LRRC49: variants seen among roughly 807,000 people sequenced by gnomAD.
LRRC49 encodes leucine rich repeat containing 49.
LRRC49 carries 50 observed loss-of-function variants against 83.3 expected under a neutral mutation model. The ratio of observed to expected loss-of-function variants is 0.60; its 90% CI spans 0.48 to 0.76. The LOEUF is 0.76. Among genes scored for constraint, LRRC49 ranks in the 30% least tolerant of loss-of-function variants. LRRC49 has a pLI of 0.00. For synonymous variants in LRRC49, 286 were observed against 283.3 expected (o/e 1.01, Z -0.10); for missense variants, 704 against 809.1 (o/e 0.87, Z 1.58).
intron 5 of LRRC49, among the ~76,000 whole-genome samples, chr15:70,904,981 C>G (rs555744117): frequency 1.8e-4 from 28 of 152,276 alleles, no homozygotes; most frequent in African/African-American, 6.7e-4. Context: ...ACTTCCATTG[C>G]TTTCCAGTGT....
At chr15:70,889,097 C>T (rs1353349006), upstream of LRRC49, among the ~76,000 whole-genome samples, 1 of 152,118 alleles carries the variant, frequency 6.6e-6, no homozygotes, top group East Asian at 1.9e-4. Flanking sequence ...TATATATCCT[C>T]AGAAATGTGT....
At chr15:70,854,180 G>A (rs1050071547) in intron 1 of LRRC49, 4 of 975,502 alleles carry the variant, frequency 4.1e-6, no homozygotes, top group African/African-American at 3.5e-5. Flanking sequence ...CGGGGGCGGT[G>A]CGAGCGCGCC....
In LRRC49 at chr15:71,037,366, C is replaced by T. The variant is rs367966546; in HGVS notation, c.1857+34C>T. 7.8e-6 allele frequency: 12 copies of T among 1,536,868 alleles called. No homozygotes were observed. In the African/African-American group the frequency reaches 1.4e-4, roughly 18 times the overall value. On this transcript the variant is annotated intron_variant, in intron 15 of 15. Coordinates refer to ENST00000260382, the MANE Select transcript of LRRC49 (RefSeq NM_017691.5). Reference sequence around the variant, plus strand: ...ACTGTTAATCTTTGCGATCTAATGCCAGGATATATCCCACATGGCTTGGAA... The same window carrying T: ...ACTGTTAATCTTTGCGATCTAATGCTAGGATATATCCCACATGGCTTGGAA...
chr15:71,018,875 G>A (rs183210470), intron 14 of LRRC49, among the ~76,000 whole-genome samples: 33 of 152,246 alleles, frequency 2.2e-4, no homozygotes, highest in African/African-American at 7.5e-4. Context: ...CCTTCTTGGG[G>A]GGTTCTATTA....
chr15:70,891,565 C>CTGTGTG (rs1491474980), upstream of LRRC49, among the ~76,000 whole-genome samples: 23 of 119,066 alleles, frequency 1.9e-4, no homozygotes, highest in South Asian at 6.0e-4. Flanking sequence ...CAGGACAAGA[C>CTGTGTG]TCTGTGTGTG....
chr15:70,982,488 T>G (rs1301502758), intron 10 of LRRC49, among the ~76,000 whole-genome samples: 1 of 152,216 alleles, frequency 6.6e-6, no homozygotes, highest in East Asian at 1.9e-4. Context: ...TTCTACTTGC[T>G]TTATATAAGG....
chr15:70,895,940 T>C lies in LRRC49; in HGVS notation c.193+4T>C. ...AGAAACTACTCAAGTAGGCAAGGTA[T>C]TGTCAGTGAATAGAGATCAGATGTG... On this transcript the variant is annotated splice_donor_region_variant and intron_variant, in intron 3 of 15. Transcript: ENST00000260382. 1 of 1,561,882 alleles carries C rather than the reference T, an allele frequency of 6.4e-7. No individual in the cohort carries two copies. The highest frequency in any genetic ancestry group is 8.8e-7 in the Non-Finnish European group (1 of 1,135,752).
chr15:70,958,662 TGATGATTAA>T (rs1049876954), intron 8 of LRRC49, among the ~76,000 whole-genome samples: 13 of 152,330 alleles, frequency 8.5e-5, no homozygotes, highest in African/African-American at 2.9e-4. Context: ...ATACTTTAAG[TGATGATTAA>T]GTTTAAATTT....
chr15:70,887,593 T>C (rs2033444505), upstream of LRRC49, among the ~76,000 whole-genome samples: 1 of 151,844 alleles, frequency 6.6e-6, no homozygotes, highest in African/African-American at 2.4e-5. Flanking sequence ...AAGGGGAACA[T>C]TTCTTTTTAT....
chr15:70,952,439 AC>A (rs151275744), intron 8 of LRRC49, among the ~76,000 whole-genome samples: 5,397 of 150,834 alleles, frequency 0.036, 152 homozygotes, highest in Middle Eastern at 0.061. Context: ...TAATTTCTGA[AC>A]TCATTATTGG....
intron 6 of LRRC49, among the ~76,000 whole-genome samples, chr15:70,917,275 C>T (rs1287845472): frequency 3.3e-5 from 5 of 152,200 alleles, no homozygotes; most frequent in Non-Finnish European, 2.9e-5. Flanking sequence ...TCCCTGGTGA[C>T]TCCCTACCTT....
intron 14 of LRRC49, among the ~76,000 whole-genome samples, chr15:71,033,013 G>C (rs1053772170): frequency 1.3e-5 from 2 of 152,096 alleles, no homozygotes; most frequent in Non-Finnish European, 2.9e-5. Context: ...TCTGGCCAGG[G>C]CAATCAGGCA....
At chr15:70,954,121 C>A (rs1045675260) in intron 8 of LRRC49, among the ~76,000 whole-genome samples, 9 of 152,304 alleles carry the variant, frequency 5.9e-5, no homozygotes, top group Non-Finnish European at 8.8e-5. Context: ...TCTCAAACTC[C>A]TGACCTCAGA....
At chr15:70,929,997 C>T (rs2035347639) in intron 7 of LRRC49, among the ~76,000 whole-genome samples, 1 of 152,088 alleles carries the variant, frequency 6.6e-6, no homozygotes, top group Non-Finnish European at 1.5e-5. Context: ...GGATCAACTT[C>T]CTCCAAACTC....
chr15:71,044,017 T>C (rs1049943623), intron 15 of LRRC49, among the ~76,000 whole-genome samples: 88 of 152,348 alleles, frequency 5.8e-4, no homozygotes, highest in African/African-American at 2.0e-3. Flanking sequence ...TACTTGTAAA[T>C]GCATTGCTTG....
intron 1 of LRRC49, 69 bp from the exon 2 acceptor site, chr15:70,893,514 CT>C (rs3840844): frequency 0.056 from 41,911 of 752,470 alleles, 248 homozygotes; most frequent in African/African-American, 0.12. Context: ...CTGTTTGTAC[CT>C]TTTTTTTTTT....
intron 11 of LRRC49, among the ~76,000 whole-genome samples, chr15:71,000,631 C>T (rs1209185516): frequency 1.3e-5 from 2 of 152,046 alleles, no homozygotes; most frequent in African/African-American, 4.8e-5. Flanking sequence ...TTGAGCCATG[C>T]CTTTCATATA....
rs187561157 is a variant in LRRC49 at position 70,853,491 on chromosome 15, G to C, written c.-299+22G>C. ...AAGGGTAAGCGGGACCACTCGCAAG[G>C]GGAGGGGAAGGCGGGTAGGGATGGA... On this transcript the variant is annotated intron_variant, in intron 1 of 16. Coordinates refer to the LRRC49 transcript ENST00000544974. The C allele has an allele frequency of 4.9e-3, 788 of 160,354 alleles. 2 individuals are homozygous for C. The highest frequency in any genetic ancestry group is 7.8e-3 in the Non-Finnish European group (572 of 73,650). The allele number at this position is 160,354 out of a possible 1,614,324, so 9.9% of individuals were successfully genotyped here. A position where few individuals can be genotyped will look rare whatever the true frequency, so the allele number is the denominator to read the frequency against.
intron 8 of LRRC49, among the ~76,000 whole-genome samples, chr15:70,948,104 G>T (rs971072382): frequency 1.3e-5 from 2 of 152,068 alleles, no homozygotes; most frequent in Admixed American, 6.6e-5. Context: ...CTGTGTGTGT[G>T]TATGTGTGTG....
Sources: gnomAD v4.1 joint callset for allele counts (sites outside exome capture counted in the v4.1 genomes callset) on GRCh38, gnomAD v4.1.1 for gene constraint, MANE v1.5 for transcripts, NCBI Gene and HGNC (gene_info 2026-07-23, HGNC 2026-07-21) for gene names.